The following TTC17 variants were observed in gnomAD, a reference collection of about 807,000 sequenced individuals.
TTC17 encodes tetratricopeptide repeat protein 17.
Under a neutral mutation model 143.8 loss-of-function variants are expected in TTC17, and 58 were observed. That is an observed-to-expected ratio of 0.40 (90% CI 0.33 to 0.50). The LOEUF is 0.50. Among genes scored for constraint, TTC17 ranks in the 20% least tolerant of loss-of-function variants. The probability of loss-of-function intolerance (pLI) is 0.49; values close to 1 mark genes in which losing one functional copy is unlikely to be tolerated. For missense variants in TTC17, 1,273 were observed against 1,392.5 expected (o/e 0.91, Z 1.37); for synonymous variants, 501 against 497.8 (o/e 1.01, Z -0.09).
intron 21 of TTC17, among the ~76,000 whole-genome samples, chr11:43,469,041 C>T (rs552894198): frequency 1.3e-4 from 20 of 152,054 alleles, no homozygotes; most frequent in African/African-American, 2.2e-4. Flanking sequence ...AAAAAGACAA[C>T]GCAATTTTTT....
chr11:43,424,111 G>A (rs1031515221), intron 16 of TTC17, among the ~76,000 whole-genome samples: 29 of 148,906 alleles, frequency 1.9e-4, no homozygotes, highest in African/African-American at 6.5e-4. Context: ...TTCCTGAGGC[G>A]GAGTCTCGCT....
chr11:43,390,482 G>C (rs1317052854), intron 3 of TTC17: 1 of 152,392 alleles, frequency 6.6e-6, no homozygotes, highest in East Asian at 1.9e-4. Flanking sequence ...CAGGCATGGT[G>C]GTGGGCACCT....
At chr11:43,427,791 C>T (rs527303512) in intron 16 of TTC17, among the ~76,000 whole-genome samples, 1 of 152,188 alleles carries the variant, frequency 6.6e-6, no homozygotes, top group East Asian at 1.9e-4. Context: ...GTACAGAAAC[C>T]AATCCTTTTT....
At chr11:43,479,448 A>T (rs1352613365) in intron 21 of TTC17, among the ~76,000 whole-genome samples, 1 of 152,220 alleles carries the variant, frequency 6.6e-6, no homozygotes, top group African/African-American at 2.4e-5. Flanking sequence ...AGACATAATT[A>T]AATAGTGAAT....
chr11:43,480,143 A>G (rs961053623), intron 21 of TTC17, among the ~76,000 whole-genome samples: 6 of 152,248 alleles, frequency 3.9e-5, no homozygotes, highest in Non-Finnish European at 7.3e-5. Flanking sequence ...CTGAAAGACA[A>G]TAGCTCAATA....
At chr11:43,458,192 C>T (rs530164501) in intron 21 of TTC17, among the ~76,000 whole-genome samples, 1 of 152,228 alleles carries the variant, frequency 6.6e-6, no homozygotes, top group Admixed American at 6.5e-5. Flanking sequence ...ACTTATGTTG[C>T]TGGGGCTACA....
intron 16 of TTC17, among the ~76,000 whole-genome samples, chr11:43,416,716 T>C (rs1257583784): frequency 6.6e-6 from 1 of 152,152 alleles, no homozygotes; most frequent in Non-Finnish European, 1.5e-5. Flanking sequence ...AGCTCATCAA[T>C]AAAAAATATT....
chr11:43,402,702 T>C (rs1482112524), intron 10 of TTC17, among the ~76,000 whole-genome samples: 7 of 152,186 alleles, frequency 4.6e-5, no homozygotes, highest in Admixed American at 3.9e-4. Flanking sequence ...TAATAAAATA[T>C]TGCAAAATCC....
At chr11:43,416,252 A>G (rs1214304021) in intron 16 of TTC17, among the ~76,000 whole-genome samples, 3 of 152,098 alleles carry the variant, frequency 2.0e-5, no homozygotes, top group African/African-American at 7.2e-5. Flanking sequence ...GAACAGCCTT[A>G]TAAAAAGGAT....
At chr11:43,476,302 G>T (rs1223439402) in intron 21 of TTC17, among the ~76,000 whole-genome samples, 2 of 152,220 alleles carry the variant, frequency 1.3e-5, no homozygotes, top group African/African-American at 4.8e-5. Context: ...ACTTGAATAA[G>T]CTCCCATTGG....
At position 43,425,153 on chromosome 11, in the gene TTC17, C is replaced by G. The variant is rs74972335; in HGVS notation, c.2251+10377C>G. Among the ~76,000 whole-genome samples the G allele has an allele frequency of 7.7e-3, 1,175 of 152,046 alleles. 10 individuals are homozygous for G. The highest frequency in any genetic ancestry group is 0.041 in the Middle Eastern group (12 of 294). ...TAGCAAGCATTTATACAACTCTTCT[C>G]CATTCAGAAAGATGATTCTAGCTGG... On this transcript the variant is annotated intron_variant, in intron 16 of 23. Transcript: ENST00000039989.
At chr11:43,411,959 A>G (rs1858432091) in intron 15 of TTC17, among the ~76,000 whole-genome samples, 1 of 152,242 alleles carries the variant, frequency 6.6e-6, no homozygotes, top group African/African-American at 2.4e-5. Flanking sequence ...ATTGTTTTAC[A>G]TAGGGATATA....
At chr11:43,386,123 T>C (rs1857160377) in intron 2 of TTC17, among the ~76,000 whole-genome samples, 1 of 151,888 alleles carries the variant, frequency 6.6e-6, no homozygotes, top group Non-Finnish European at 1.5e-5. Context: ...ATAAATGATA[T>C]TAGGAAATTG....
At chr11:43,459,652 T>C (rs1305033921) in intron 21 of TTC17, among the ~76,000 whole-genome samples, 1 of 152,248 alleles carries the variant, frequency 6.6e-6, no homozygotes, top group African/African-American at 2.4e-5. Flanking sequence ...AGCTAGACAC[T>C]GGCTTAAATC....
intron 3 of TTC17, among the ~76,000 whole-genome samples, chr11:43,390,545 G>T (rs1369892306): frequency 6.6e-6 from 1 of 151,818 alleles, no homozygotes; most frequent in Non-Finnish European, 1.5e-5. Context: ...GAACCCAGGA[G>T]GCAGAGCTTG....
At chr11:43,450,619 T>C (rs1947639827) in intron 20 of TTC17, among the ~76,000 whole-genome samples, 3 of 152,142 alleles carry the variant, frequency 2.0e-5, no homozygotes, top group South Asian at 4.1e-4. Context: ...CCTAGAAGAA[T>C]TGGAAAAACA....
chr11:43,440,276 A>G (rs928807693), intron 16 of TTC17, among the ~76,000 whole-genome samples: 9 of 152,152 alleles, frequency 5.9e-5, no homozygotes, highest in Admixed American at 5.9e-4. Context: ...CCCTCAGCAC[A>G]TTGCTAGATA....
In TTC17 at chr11:43,379,439, C is replaced by T. The variant is rs1856880472; in HGVS notation, c.249+117C>T. 3.2e-5 allele frequency: 25 copies of T among 775,002 alleles called. No homozygotes were observed. The South Asian group carries it at 3.5e-4, about 11-fold the overall frequency. 48.0% of individuals were successfully genotyped at this position (775,002 alleles called of 1,614,324 possible). A position where few individuals can be genotyped will look rare whatever the true frequency, so the allele number is the denominator to read the frequency against. On this transcript the variant is annotated intron_variant, in intron 2 of 23. Coordinates refer to ENST00000039989, the MANE Select transcript of TTC17 (RefSeq NM_018259.6). ...TTAAGTCTGAGTCTTCTGACTTTTG[C>T]GGGAATATACTACCTGCAATGTGTG...
intron 21 of TTC17, among the ~76,000 whole-genome samples, chr11:43,485,881 T>C (rs1044441780): frequency 2.1e-5 from 3 of 142,470 alleles, no homozygotes; most frequent in Non-Finnish European, 4.5e-5. Context: ...TCTTGGTTTT[T>C]TGTTTTTTTT....
Sources: allele counts gnomAD v4.1 joint callset (sites outside exome capture counted in the v4.1 genomes callset), GRCh38; gene constraint gnomAD v4.1.1; transcripts MANE v1.5; gene names NCBI Gene and HGNC (gene_info 2026-07-23, HGNC 2026-07-21).